The following DACH1 variants were observed in gnomAD, a reference collection of about 807,000 sequenced individuals.
DACH1 encodes dachshund homolog 1.
In DACH1, 12 loss-of-function variants were observed where a neutral mutation model predicts 54.2. That is an observed-to-expected ratio of 0.22 (90% CI 0.14 to 0.36). DACH1 has a LOEUF of 0.36. Among genes scored for constraint, DACH1 ranks in the 10% least tolerant of loss-of-function variants. DACH1 has a pLI of 1.00. For synonymous variants in DACH1, 386 were observed against 366.2 expected (o/e 1.05, Z -0.62); for missense variants, 805 against 929.8 (o/e 0.87, Z 1.75).
chr13:71,604,820 A>C (rs1874759635), intron 3 of DACH1, among the ~76,000 whole-genome samples: 2 of 151,888 alleles, frequency 1.3e-5, no homozygotes, highest in African/African-American at 4.8e-5. Flanking sequence ...CTAATAAATC[A>C]AAACAAAGGG....
chr13:71,749,368 T>G (rs576759126), intron 1 of DACH1, among the ~76,000 whole-genome samples: 33 of 152,162 alleles, frequency 2.2e-4, no homozygotes, highest in African/African-American at 6.0e-4. Flanking sequence ...CCTAAAAATA[T>G]CCAATGACTA....
At chr13:71,740,481 A>T (rs776221960) in intron 1 of DACH1, among the ~76,000 whole-genome samples, 1 of 152,212 alleles carries the variant, frequency 6.6e-6, no homozygotes, top group East Asian at 1.9e-4. Flanking sequence ...TTTAAAGATC[A>T]CATAGAAATC....
chr13:71,514,651 C>T (rs1345024155), intron 6 of DACH1, among the ~76,000 whole-genome samples: 2 of 151,618 alleles, frequency 1.3e-5, no homozygotes, highest in Non-Finnish European at 2.9e-5. Context: ...TCATAAATTG[C>T]CACAAAAACA....
At chr13:71,493,676 T>A (rs1007894354) in intron 6 of DACH1, among the ~76,000 whole-genome samples, 9 of 152,032 alleles carry the variant, frequency 5.9e-5, no homozygotes, top group Non-Finnish European at 1.0e-4. Flanking sequence ...TACAAAAAAA[T>A]ATCAGGTTAA....
At chr13:71,449,490 A>G (rs1478284211) in intron 10 of DACH1, among the ~76,000 whole-genome samples, 5 of 152,124 alleles carry the variant, frequency 3.3e-5, no homozygotes, top group African/African-American at 1.2e-4. Flanking sequence ...ACACATGGAC[A>G]CAGGGAAGGG....
At position 71,850,854 on chromosome 13, in the gene DACH1, CA is replaced by C. The variant is rs570899353; in HGVS notation, c.848+15067del. Among the ~76,000 whole-genome samples, 329 of 152,212 alleles carry C rather than the reference CA, an allele frequency of 2.2e-3. 3 individuals carry two copies. Among genetic ancestry groups the C allele is most frequent in the African/African-American group, 6.7e-3 (279 of 41,538 alleles). On this transcript the variant is annotated intron_variant, in intron 1 of 10. Coordinates refer to ENST00000613252, the MANE Select transcript of DACH1 (RefSeq NM_080759.6). ...AATAACTTTAAAATGCAACAATGAA[CA>C]AGACAATTTGTAAAATATGTGAATA...
At chr13:71,458,010 C>CTT (rs1875735531) in intron 10 of DACH1, among the ~76,000 whole-genome samples, 1 of 151,878 alleles carries the variant, frequency 6.6e-6, no homozygotes, top group African/African-American at 2.4e-5. Flanking sequence ...TTTGCATTTT[C>CTT]TTAGTACTAC....
At chr13:71,577,784 G>A (rs1265146408) in intron 3 of DACH1, among the ~76,000 whole-genome samples, 1 of 152,134 alleles carries the variant, frequency 6.6e-6, no homozygotes, top group Non-Finnish European at 1.5e-5. Context: ...CAATTTTTAG[G>A]TAGGAAAGGG....
intron 2 of DACH1, among the ~76,000 whole-genome samples, chr13:71,657,281 C>A (rs938737680): frequency 6.6e-6 from 1 of 151,762 alleles, no homozygotes; most frequent in South Asian, 2.1e-4. Flanking sequence ...TATAGTGGCT[C>A]ATTTCTGTAA....
chr13:71,635,552 C>T (rs1417278308), intron 2 of DACH1, among the ~76,000 whole-genome samples: 1 of 152,168 alleles, frequency 6.6e-6, no homozygotes, highest in Non-Finnish European at 1.5e-5. Context: ...TTGGTCTATA[C>T]TAAATAGAGA....
chr13:71,592,513 A>AAAAAAAAAAAG (rs768010399), intron 3 of DACH1, among the ~76,000 whole-genome samples: 10 of 145,864 alleles, frequency 6.9e-5, no homozygotes, highest in African/African-American at 1.3e-4. Context: ...AAAAAAAAAA[A>AAAAAAAAAAAG]AAAAGAAAAG....
In DACH1 at chr13:71,738,731, C is replaced by CAAAAAA. The variant is rs34856567; in HGVS notation, c.849-56827_849-56822dup. On this transcript the variant is annotated intron_variant, in intron 1 of 10. Coordinates refer to ENST00000613252, the MANE Select transcript of DACH1 (RefSeq NM_080759.6). ...TGGGCAACAGAGCGAGACTCTGTCT[C>CAAAAAA]AAAAAAAAAAAAAAAAAAAAAAAAA... Among the ~76,000 whole-genome samples, 182 of 24,064 alleles carry CAAAAAA rather than the reference C, an allele frequency of 7.6e-3. 14 individuals are homozygous for CAAAAAA. Among genetic ancestry groups the CAAAAAA allele is most frequent in the Middle Eastern group, 0.083 (1 of 12 alleles). 15.8% of individuals were successfully genotyped at this position (24,064 alleles called of 152,430 possible).
At chr13:71,480,800 G>A (rs1480332936) in intron 7 of DACH1, among the ~76,000 whole-genome samples, 1 of 152,110 alleles carries the variant, frequency 6.6e-6, no homozygotes, top group Admixed American at 6.6e-5. Context: ...TACCAATATA[G>A]TTTATAGCAT....
intron 1 of DACH1, among the ~76,000 whole-genome samples, chr13:71,788,030 C>T (rs1364170088): frequency 1.3e-5 from 2 of 152,040 alleles, no homozygotes; most frequent in Admixed American, 6.6e-5. Context: ...GATATTTATA[C>T]AGTTTGTATA....
At chr13:71,488,632 A>T (rs957775058) in intron 7 of DACH1, among the ~76,000 whole-genome samples, 1 of 151,976 alleles carries the variant, frequency 6.6e-6, no homozygotes, top group African/African-American at 2.4e-5. Context: ...AAATAACTAA[A>T]TATTTATTAG....
chr13:71,520,688 G>C (rs181862317), intron 6 of DACH1, among the ~76,000 whole-genome samples: 5 of 151,688 alleles, frequency 3.3e-5, no homozygotes, highest in African/African-American at 1.2e-4. Context: ...TTCATCCAAG[G>C]GAGATAGTTA....
intron 1 of DACH1, among the ~76,000 whole-genome samples, chr13:71,851,065 C>A (rs894899948): frequency 3.3e-5 from 5 of 152,190 alleles, no homozygotes; most frequent in African/African-American, 1.2e-4. Flanking sequence ...GACCAGAAAT[C>A]TTTACTGAAA....
At chr13:71,662,232 A>T (rs886636519) in intron 2 of DACH1, among the ~76,000 whole-genome samples, 3 of 152,092 alleles carry the variant, frequency 2.0e-5, no homozygotes, top group African/African-American at 7.2e-5. Flanking sequence ...TTTTGTTCCC[A>T]GATGTAAAAA....
chr13:71,558,927 T>G (rs545714990), intron 5 of DACH1, among the ~76,000 whole-genome samples: 11 of 152,188 alleles, frequency 7.2e-5, no homozygotes, highest in Non-Finnish European at 1.5e-4. Flanking sequence ...TATGAAAATA[T>G]TCTCGACAAC....
Sources: allele counts gnomAD v4.1 joint callset (sites outside exome capture counted in the v4.1 genomes callset), GRCh38; gene constraint gnomAD v4.1.1; transcripts MANE v1.5; gene names NCBI Gene and HGNC (gene_info 2026-07-23, HGNC 2026-07-21).